The following RSPO2 variants were observed in gnomAD, a reference collection of about 807,000 sequenced individuals.
The protein encoded by RSPO2 is R-spondin-2.
RSPO2 carries 14 observed loss-of-function variants against 30.9 expected under a neutral mutation model. The ratio of observed to expected loss-of-function variants is 0.45; its 90% CI spans 0.30 to 0.71. RSPO2 has a LOEUF of 0.71. RSPO2 is among the 30% of genes least tolerant of loss of function. RSPO2 has a pLI of 0.08. For missense variants in RSPO2, 264 were observed against 301.9 expected, an observed-to-expected ratio of 0.87 and a Z score of 0.93; for synonymous variants, 107 against 96.4, an observed-to-expected ratio of 1.11 and a Z score of -0.64.
At chr8:107,931,991 G>T (rs1812566080) in intron 5 of RSPO2, among the ~76,000 whole-genome samples, 1 of 152,068 alleles carries the variant, frequency 6.6e-6, no homozygotes. Context: ...TAGAATAAAT[G>T]CAATGTATGT....
intron 2 of RSPO2, among the ~76,000 whole-genome samples, chr8:108,062,558 A>G (rs535652965): frequency 2.0e-5 from 3 of 151,802 alleles, no homozygotes; most frequent in Non-Finnish European, 4.4e-5. Flanking sequence ...ACCAACCAAA[A>G]AAAGTCCAGG....
chr8:107,954,514 T>C (rs1434011372), intron 5 of RSPO2, among the ~76,000 whole-genome samples: 2 of 152,306 alleles, frequency 1.3e-5, no homozygotes, highest in African/African-American at 4.8e-5. Context: ...GCTTTCATTT[T>C]CAAGTCATTC....
intron 2 of RSPO2, among the ~76,000 whole-genome samples, chr8:108,007,761 T>C (rs1815498239): frequency 6.6e-6 from 1 of 152,002 alleles, no homozygotes; most frequent in African/African-American, 2.4e-5. Flanking sequence ...AAATAAAGAC[T>C]GTGAAGAGCC....
intron 2 of RSPO2, among the ~76,000 whole-genome samples, chr8:108,003,303 ATATATATATTTTTTTT>A (rs1815332341): frequency 2.2e-4 from 6 of 27,202 alleles, no homozygotes; most frequent in African/African-American, 6.9e-4. Flanking sequence ...ATATATATAT[ATATATATATTTTTTTT>A]TTTTTTTTTT....
chr8:107,899,348 C>T lies in RSPO2; in HGVS notation c.*1727G>A, dbSNP rs1435180349. 6.6e-6 allele frequency: 1 copy of T among 152,520 alleles called. No homozygotes were observed. Among genetic ancestry groups the T allele is most frequent in the Non-Finnish European group, 1.5e-5 (1 of 68,002 alleles). The allele number at this position is 152,520 out of a possible 1,614,324, so 9.4% of individuals were successfully genotyped here. ...GAAGTTTTTAATGCACAAAAAAGAACATCCCAGGAACAACAGGTATTGACT... is the reference window on the plus strand; with the variant it reads ...GAAGTTTTTAATGCACAAAAAAGAATATCCCAGGAACAACAGGTATTGACT... On this transcript the variant is annotated 3_prime_UTR_variant, in exon 6 of 6. Transcript: ENST00000276659.
rs1811396907 is a variant in RSPO2 at position 107,900,104 on chromosome 8, G to GAT, written c.*969_*970dup. ...CTGTGAAACTGGCTACAAGTGACTG[G>GAT]ATATAGTCCCTCATGTTTTCAGTTG... On this transcript the variant is annotated 3_prime_UTR_variant, in exon 6 of 6. Transcript: ENST00000276659. 1 of 152,134 alleles carries GAT rather than the reference G, an allele frequency of 6.6e-6. No individual in the cohort carries two copies. 9.4% of individuals were successfully genotyped at this position (152,134 alleles called of 1,614,324 possible).
In RSPO2 at chr8:107,948,398, A is replaced by T. The variant is rs1193523025; in HGVS notation, c.616+9682T>A. On this transcript the variant is annotated intron_variant, in intron 5 of 5. Transcript: ENST00000276659. ...GAAGGCATCCTGTAACATATTTTTT[A>T]AAAGTCAATGCAATTCGGTAAACAT... is the stretch of plus-strand genomic sequence containing the variant. 2.6e-5 allele frequency among the ~76,000 whole-genome samples: 4 copies of T among 152,350 alleles called. No homozygotes were observed. The East Asian group carries it at 7.7e-4, about 29-fold the overall frequency.
chr8:107,908,115 C>T (rs1811711611), intron 5 of RSPO2, among the ~76,000 whole-genome samples: 1 of 152,148 alleles, frequency 6.6e-6, no homozygotes, highest in South Asian at 2.1e-4. Flanking sequence ...CGGTTTCCTG[C>T]ACACGGTATT....
chr8:107,994,180 A>G (rs1814939451), intron 2 of RSPO2, among the ~76,000 whole-genome samples: 1 of 152,126 alleles, frequency 6.6e-6, no homozygotes, highest in African/African-American at 2.4e-5. Context: ...AAATGTATAC[A>G]TTTGCAAAAC....
chr8:108,057,631 G>A lies in RSPO2; in HGVS notation c.94+24914C>T, dbSNP rs1379879592. Among the ~76,000 whole-genome samples the A allele has an allele frequency of 2.6e-5, 4 of 151,890 alleles. 1 individual carries two copies. The highest frequency in any genetic ancestry group is 4.4e-5 in the Non-Finnish European group (3 of 67,834). On this transcript the variant is annotated intron_variant, in intron 2 of 5. Transcript: ENST00000276659. ...AGGCATATAAATGACATCAATGGCT[G>A]ACCCCAAATAGTGGATACAGATCAT...
At chr8:107,937,515 T>C (rs866912689) in intron 5 of RSPO2, among the ~76,000 whole-genome samples, 1 of 151,886 alleles carries the variant, frequency 6.6e-6, no homozygotes, top group Non-Finnish European at 1.5e-5. Context: ...GTGGTAGTCC[T>C]GGGAAGAAAA....
chr8:108,003,247 ATGTATGTGTGTG>A (rs1284401262), intron 2 of RSPO2, among the ~76,000 whole-genome samples: 15 of 61,250 alleles, frequency 2.4e-4, no homozygotes, highest in Middle Eastern at 0.01. Context: ...ATATGTATGT[ATGTATGTGTGTG>A]TGTGTGTGTG....
At chr8:107,973,932 C>T (rs1248321617) in intron 3 of RSPO2, among the ~76,000 whole-genome samples, 3 of 152,236 alleles carry the variant, frequency 2.0e-5, no homozygotes, top group Non-Finnish European at 4.4e-5. Flanking sequence ...CAAAATAAAC[C>T]TCTAAATCGA....
intron 2 of RSPO2, among the ~76,000 whole-genome samples, chr8:108,076,616 T>A (rs756751362): frequency 6.6e-6 from 1 of 151,696 alleles, no homozygotes; most frequent in Non-Finnish European, 1.5e-5. Context: ...ACTCCATGGA[T>A]AAAAAAAGAA....
chr8:108,040,686 A>G (rs1439021519), intron 2 of RSPO2, among the ~76,000 whole-genome samples: 1 of 152,168 alleles, frequency 6.6e-6, no homozygotes, highest in Non-Finnish European at 1.5e-5. Flanking sequence ...TGTAAAACTA[A>G]TGGAGGAAGG....
intron 3 of RSPO2, among the ~76,000 whole-genome samples, chr8:107,985,039 A>G (rs557241602): frequency 1.3e-5 from 2 of 152,280 alleles, no homozygotes; most frequent in Admixed American, 1.3e-4. Context: ...TGCAAATAGA[A>G]AAAAGGGGAG....
At position 107,958,217 on chromosome 8, in the gene RSPO2, T is replaced by C. The variant is rs1813491400; in HGVS notation, c.479A>G (p.Asn160Ser). ...WSEWGTCSRNNRTCGFKWGLE... is the reference protein window; with the variant it reads ...WSEWGTCSRNSRTCGFKWGLE... ...ACCCCATTTAAATCCACATGTGCGA[T>C]TATTTCTGCTACAAGTTCCCCATTC... The change falls in exon 5 of 6, where the codon AAT (asparagine) becomes AGT (serine). Residue 160 changes from asparagine (N) to serine (S), a missense_variant. By Grantham distance (46) the Asn-to-Ser change is conservative (BLOSUM62 1). Coordinates refer to ENST00000276659, the MANE Select transcript of RSPO2 (RefSeq NM_178565.5). The C allele has an allele frequency of 3.7e-6, 6 of 1,613,810 alleles. No individual in the cohort carries two copies. Among genetic ancestry groups the C allele is most frequent in the Non-Finnish European group, 5.1e-6 (6 of 1,179,900 alleles).
intron 5 of RSPO2, among the ~76,000 whole-genome samples, chr8:107,907,402 TAAG>T (rs1811682634): frequency 6.6e-6 from 1 of 152,018 alleles, no homozygotes; most frequent in South Asian, 2.1e-4. Flanking sequence ...TCATTTTCCT[TAAG>T]AAAAAATAAT....
At chr8:108,047,538 T>C (rs1160663920) in intron 2 of RSPO2, among the ~76,000 whole-genome samples, 2 of 152,146 alleles carry the variant, frequency 1.3e-5, no homozygotes, top group Admixed American at 6.5e-5. Flanking sequence ...ATTCATTCAA[T>C]TGAAGTGGAT....
Sources: allele counts gnomAD v4.1 joint callset (sites outside exome capture counted in the v4.1 genomes callset), GRCh38; gene constraint gnomAD v4.1.1; transcripts MANE v1.5; gene names NCBI Gene and HGNC (gene_info 2026-07-23, HGNC 2026-07-21).